KLF13: variants seen among roughly 807,000 people sequenced by gnomAD.
KLF13 encodes KLF transcription factor 13.
In KLF13, 8 loss-of-function variants were observed where a neutral mutation model predicts 16.7. The observed-to-expected ratio is 0.48, with a 90% confidence interval of 0.28 to 0.87. KLF13 has a LOEUF of 0.87. Among genes scored for constraint, KLF13 ranks in the 40% least tolerant of loss-of-function variants. The pLI, the probability that KLF13 is intolerant of heterozygous loss-of-function variation, is 0.10. For missense variants in KLF13, 447 were observed against 452.2 expected (o/e 0.99, Z 0.10); for synonymous variants, 245 against 208.4 (o/e 1.18, Z -1.51).
chr15:31,329,378 A>C (rs2038785856), intron 1 of KLF13, among the ~76,000 whole-genome samples: 2 of 151,144 alleles, frequency 1.3e-5, no homozygotes, highest in African/African-American at 4.9e-5. Context: ...GCTTTGGGGG[A>C]TGATGCCCGT....
At chr15:31,328,804 C>G (rs1252990789) in intron 1 of KLF13, among the ~76,000 whole-genome samples, 1 of 152,182 alleles carries the variant, frequency 6.6e-6, no homozygotes, top group Non-Finnish European at 1.5e-5. Flanking sequence ...CAATCCTTCC[C>G]CATTTTGGTG....
At chr15:31,354,260 G>A (rs2039264505) in intron 1 of KLF13, among the ~76,000 whole-genome samples, 1 of 152,258 alleles carries the variant, frequency 6.6e-6, no homozygotes, top group African/African-American at 2.4e-5. Context: ...AAACCGTGGT[G>A]TGCTGGTGAG....
At chr15:31,402,377 G>A (rs746476094) in intron 2 of KLF13, among the ~76,000 whole-genome samples, 1 of 152,238 alleles carries the variant, frequency 6.6e-6, no homozygotes, top group Non-Finnish European at 1.5e-5. Context: ...TGAAAGCAGT[G>A]TGCTTGGGGC....
intron 1 of KLF13, among the ~76,000 whole-genome samples, chr15:31,360,587 G>A (rs2039367512): frequency 6.6e-6 from 1 of 152,258 alleles, no homozygotes; most frequent in African/African-American, 2.4e-5. Context: ...CATGGGCCTG[G>A]GCTGCTGCAG....
At chr15:31,398,668 C>A (rs1291290526) in intron 2 of KLF13, among the ~76,000 whole-genome samples, 1 of 152,112 alleles carries the variant, frequency 6.6e-6, no homozygotes, top group East Asian at 1.9e-4. Flanking sequence ...GGCACAGTAC[C>A]ACATCAGGAG....
intron 1 of KLF13, among the ~76,000 whole-genome samples, chr15:31,349,091 A>G (rs760774521): frequency 1.3e-5 from 2 of 152,146 alleles, no homozygotes; most frequent in Non-Finnish European, 2.9e-5. Context: ...CATTCAGCCT[A>G]TAGTGCCCAG....
rs187944937 is a variant in KLF13, at chr15:31,385,674, T to C, written n.224-49696T>C. Among the ~76,000 whole-genome samples the C allele has an allele frequency of 1.2e-3, 188 of 152,332 alleles. 2 individuals are homozygous for C. Among genetic ancestry groups the C allele is most frequent in the African/African-American group, 4.3e-3 (179 of 41,570 alleles). The stretch of plus-strand genomic sequence containing the variant: ...AGATGGCAAATTTAATTGATAAATG[T>C]GTGTGTTCTCACTGCTCCACCAACC... On this transcript the variant is annotated intron_variant and non_coding_transcript_variant, in intron 1 of 1. Coordinates refer to the KLF13 transcript ENST00000558921.
chr15:31,412,880 G>A (rs2040211357), intron 1 of KLF13, among the ~76,000 whole-genome samples: 1 of 152,204 alleles, frequency 6.6e-6, no homozygotes, highest in South Asian at 2.1e-4. Context: ...TGAAGAGAAA[G>A]CCTAAACCAG....
chr15:31,360,631 G>T (rs897079164), intron 1 of KLF13, among the ~76,000 whole-genome samples: 8 of 152,236 alleles, frequency 5.3e-5, no homozygotes, highest in African/African-American at 1.4e-4. Flanking sequence ...TCCTCCCTGG[G>T]GGTCTGGAGG....
downstream of KLF13, among the ~76,000 whole-genome samples, chr15:31,405,332 AAAAAG>A (rs578094834): frequency 6.4e-4 from 97 of 152,320 alleles, no homozygotes; most frequent in African/African-American, 2.3e-3. Context: ...AGAAGGAAAA[AAAAAG>A]AAAAGAGCTT....
At chr15:31,397,222 G>A (rs1173921911) in intron 2 of KLF13, among the ~76,000 whole-genome samples, 1 of 150,572 alleles carries the variant, frequency 6.6e-6, no homozygotes, top group Admixed American at 6.6e-5. Flanking sequence ...GGTTCAGGGT[G>A]GGGCGGGGTG....
chr15:31,406,147 G>A (rs1183053006), downstream of KLF13, among the ~76,000 whole-genome samples: 3 of 152,206 alleles, frequency 2.0e-5, no homozygotes, highest in African/African-American at 7.2e-5. Context: ...GTCTGACAGG[G>A]CAGGTGAGAG....
chr15:31,358,823 G>A (rs2039339592), intron 1 of KLF13, among the ~76,000 whole-genome samples: 1 of 152,204 alleles, frequency 6.6e-6, no homozygotes, highest in Non-Finnish European at 1.5e-5. Flanking sequence ...GTGTTGGTAC[G>A]CAAGCAGTCA....
chr15:31,360,942 G>A (rs1431495551), intron 1 of KLF13, among the ~76,000 whole-genome samples: 2 of 152,200 alleles, frequency 1.3e-5, no homozygotes, highest in African/African-American at 2.4e-5. Flanking sequence ...AGAGGAGCCT[G>A]CCGAGGCTCC....
At chr15:31,408,015 A>G (rs534559555), downstream of KLF13, among the ~76,000 whole-genome samples, 14 of 152,358 alleles carry the variant, frequency 9.2e-5, no homozygotes, top group East Asian at 2.7e-3. Flanking sequence ...ATTACTTAAT[A>G]TATTAACCAA....
At chr15:31,379,997 C>T (rs2039704810), downstream of KLF13, among the ~76,000 whole-genome samples, 1 of 152,150 alleles carries the variant, frequency 6.6e-6, no homozygotes, top group Non-Finnish European at 1.5e-5. Flanking sequence ...GACATCTGCC[C>T]CTCTAAAGAA....
chr15:31,400,925 G>A (rs967550243), intron 2 of KLF13, among the ~76,000 whole-genome samples: 2 of 152,114 alleles, frequency 1.3e-5, no homozygotes, highest in South Asian at 2.1e-4. Context: ...TGGAAGCGTC[G>A]CATCGCTATC....
chr15:31,360,994 G>A lies in KLF13; in HGVS notation c.578-11016G>A, dbSNP rs576029448. Among the ~76,000 whole-genome samples, 249 of 152,310 alleles carry A rather than the reference G, an allele frequency of 1.6e-3. 2 individuals carry two copies. In the South Asian group the frequency reaches 0.017, roughly 10 times the overall value. ...GCCATTGTTTTGAGTGCGCTGCCTGGTAGCGCTGGGCCCTTCCAGGGAACT... is the reference window on the plus strand; with the variant it reads ...GCCATTGTTTTGAGTGCGCTGCCTGATAGCGCTGGGCCCTTCCAGGGAACT... On this transcript the variant is annotated intron_variant, in intron 1 of 1. Transcript: ENST00000307145.
At chr15:31,349,436 G>A (rs1447816640) in intron 1 of KLF13, among the ~76,000 whole-genome samples, 1 of 152,218 alleles carries the variant, frequency 6.6e-6, no homozygotes, top group African/African-American at 2.4e-5. Context: ...CGCTGTCTTC[G>A]ATGGAACAGC....
Sources: allele counts gnomAD v4.1 joint callset (sites outside exome capture counted in the v4.1 genomes callset), GRCh38; gene constraint gnomAD v4.1.1; transcripts MANE v1.5; gene names NCBI Gene and HGNC (gene_info 2026-07-23, HGNC 2026-07-21).